Variants in CCDC187 observed in about 807,000 individuals in gnomAD.
CCDC187 encodes coiled-coil domain-containing protein 187.
Under a neutral mutation model 38.0 loss-of-function variants are expected in CCDC187, and 32 were observed. That is an observed-to-expected ratio of 0.84 (90% CI 0.64 to 1.13). The LOEUF (loss-of-function observed/expected upper bound fraction) is 1.13. Ranked by LOEUF, CCDC187 falls within the 50% of genes most tolerant of loss-of-function variation. CCDC187 has a pLI of 0.00. For missense variants in CCDC187, 707 were observed against 786.8 expected (o/e 0.90, Z 1.21); for synonymous variants, 333 against 347.9 (o/e 0.96, Z 0.48).
rs1431454337 is a variant in CCDC187 at position 136,250,716 on chromosome 9, G to A, written c.*2878C>T. On this transcript the variant is annotated 3_prime_UTR_variant, in exon 26 of 26. Coordinates refer to ENST00000638797, the MANE Select transcript of CCDC187 (RefSeq NM_001378188.1). ...TCAGGTGGGCTGGGCAGGAGCTGGT[G>A]CAAAATCAGATGCATGGCCCGAGCT... The A allele has an allele frequency of 4.4e-6, 2 of 456,154 alleles. No individual in the cohort carries two copies. Among genetic ancestry groups the A allele is most frequent in the Non-Finnish European group, 8.8e-6 (2 of 226,938 alleles). The allele number at this position is 456,154 out of a possible 1,614,324, so 28.3% of individuals were successfully genotyped here.
At chr9:136,301,586 CTTT>C in intron 2 of CCDC187, among the ~76,000 whole-genome samples, 1 of 126,554 alleles carries the variant, frequency 7.9e-6, no homozygotes. Flanking sequence ...GCATACGTTA[CTTT>C]TTTTTTTTTT....
chr9:136,295,138 C>T (rs971968002), intron 4 of CCDC187, among the ~76,000 whole-genome samples: 3 of 152,226 alleles, frequency 2.0e-5, no homozygotes, highest in Admixed American at 6.5e-5. Context: ...TTGAGGCCAG[C>T]GTGACCCAAC....
intron 10 of CCDC187, among the ~76,000 whole-genome samples, chr9:136,280,644 A>G (rs1831020850): frequency 6.6e-6 from 1 of 152,152 alleles, no homozygotes. Flanking sequence ...AGCACTCCCA[A>G]GCCCCACAGC....
Position 136,251,195 on chromosome 9 carries a change from A to G in CCDC187, c.*2399T>C, listed in dbSNP as rs1234267029. The G allele has an allele frequency of 8.5e-6, 3 of 353,766 alleles. No homozygotes were observed. Among genetic ancestry groups the G allele is most frequent in the Non-Finnish European group, 1.7e-5 (3 of 175,618 alleles). 21.9% of individuals were successfully genotyped at this position (353,766 alleles called of 1,614,324 possible). A position where few individuals can be genotyped will look rare whatever the true frequency, so the allele number is the denominator to read the frequency against. ...ACTCCGCATTCAAGAAGAGACCCTC[A>G]GATTCAAAAGGGTCCCAGAGAAATT... On this transcript the variant is annotated 3_prime_UTR_variant, in exon 26 of 26. Coordinates refer to ENST00000638797, the MANE Select transcript of CCDC187 (RefSeq NM_001378188.1).
At chr9:136,267,768 G>A (rs1830772764) in intron 15 of CCDC187, 1 of 917,046 alleles carries the variant, frequency 1.1e-6, no homozygotes, top group Non-Finnish European at 1.3e-6. Context: ...GATCCAGGAA[G>A]CCCAGGCCAC....
chr9:136,267,237 G>C (rs1830760124), intron 16 of CCDC187, 147 bp downstream of exon 16: 1 of 328,936 alleles, frequency 3.0e-6, no homozygotes, highest in African/African-American at 2.3e-5. Flanking sequence ...TTACTGTTTG[G>C]ACCAGTACCT....
intron 10 of CCDC187, among the ~76,000 whole-genome samples, chr9:136,280,728 C>G (rs1240405045): frequency 1.3e-5 from 2 of 152,178 alleles, no homozygotes; most frequent in South Asian, 4.1e-4. Flanking sequence ...TTCTCCTCCC[C>G]CTGGCACTGG....
At position 136,258,494 on chromosome 9, in the gene CCDC187, G is replaced by A. The variant is rs73670215; in HGVS notation, c.4366+438C>T. Among the ~76,000 whole-genome samples the A allele has an allele frequency of 1.7e-3, 253 of 152,164 alleles. No individual in the cohort carries two copies. Among genetic ancestry groups the A allele is most frequent in the African/African-American group, 5.7e-3 (238 of 41,502 alleles). On this transcript the variant is annotated intron_variant, in intron 22 of 25. Transcript: ENST00000638797. The surrounding 1 kb of genome is among the most constrained non-coding windows in gnomAD (Gnocchi z 4.3). ...CACCACCAGGGTTCCCTGACACTGT[G>A]AGTGCATCTGCTCCCGCCCCACCTG...
chr9:136,306,516 G>A (rs909582306), upstream of CCDC187, among the ~76,000 whole-genome samples: 209 of 152,268 alleles, frequency 1.4e-3, 2 homozygotes, highest in African/African-American at 4.8e-3. Context: ...AGTGCACCAC[G>A]CGCCGTGGCA....
chr9:136,293,453 T>TCACACACATGCTCACACACATGCTCA lies in CCDC187; in HGVS notation c.833-1159_833-1158insTGAGCATGTGTGTGAGCATGTGTGTG, dbSNP rs1246784095. Reference sequence around the variant, plus strand: ...CACATGCTCACACACTCACACATGCTCACACTCACACTCACATGCTCACAC... The same window carrying TCACACACATGCTCACACACATGCTCA: ...CACATGCTCACACACTCACACATGCTCACACACATGCTCACACACATGCTCACACACTCACACTCACATGCTCACAC... On this transcript the variant is annotated intron_variant, in intron 4 of 25. Coordinates refer to ENST00000638797, the MANE Select transcript of CCDC187 (RefSeq NM_001378188.1). 4.1e-3 allele frequency among the ~76,000 whole-genome samples: 424 copies of TCACACACATGCTCACACACATGCTCA among 103,022 alleles called. 12 individuals carry two copies. The highest frequency in any genetic ancestry group is 0.016 in the African/African-American group (403 of 25,810). The allele number at this position is 103,022 out of a possible 152,430, so 67.6% of individuals were successfully genotyped here.
chr9:136,297,948 C>A, intron 3 of CCDC187, 127 bp from the exon 4 acceptor site: 1 of 393,662 alleles, frequency 2.5e-6, no homozygotes, highest in South Asian at 1.4e-4. Context: ...CATTGCCAGT[C>A]CTGCTCCCTG....
At chr9:136,267,242 G>C (rs2131166948) in intron 16 of CCDC187, 142 bp downstream of exon 16, 1 of 373,332 alleles carries the variant, frequency 2.7e-6, no homozygotes, top group African/African-American at 2.2e-5. Flanking sequence ...GTTTGGACCA[G>C]TACCTCTTGT....
rs1017426277 is a variant in CCDC187 at position 136,291,477 on chromosome 9, C to T, written c.1136G>A (p.Arg379His). 143 of 398,590 alleles carry T rather than the reference C, an allele frequency of 3.6e-4. No homozygotes were observed. The highest frequency in any genetic ancestry group is 8.8e-5 in the Admixed American group (2 of 22,718). The allele number at this position is 398,590 out of a possible 1,614,324, so 24.7% of individuals were successfully genotyped here. Residue 379 changes from arginine to histidine, a missense_variant, in exon 6 of 26, where the codon CGC becomes CAC. Transcript: ENST00000638797. Reference sequence around the variant, plus strand: ...CTCCAGCCCAGCCTGGATTTGCTGGCGCAGGTCTTGTAGGATGGCCATGGC... The same window carrying T: ...CTCCAGCCCAGCCTGGATTTGCTGGTGCAGGTCTTGTAGGATGGCCATGGC... ...QTAMAILQDL[R>H]QQIQAGLELA...
intron 3 of CCDC187, among the ~76,000 whole-genome samples, chr9:136,298,328 G>A (rs1831585443): frequency 6.6e-6 from 1 of 152,198 alleles, no homozygotes; most frequent in African/African-American, 2.4e-5. Context: ...CCAGACCTGG[G>A]GGGGCCTTGG....
Position 136,254,395 on chromosome 9 carries a change from C to A in CCDC187, c.5433G>T (p.Gly1811=). 1.0e-6 allele frequency: 1 copy of A among 985,030 alleles called. No homozygotes were observed. The highest frequency in any genetic ancestry group is 1.2e-6 in the Non-Finnish European group (1 of 829,662). The allele number at this position is 985,030 out of a possible 1,614,324, so 61.0% of individuals were successfully genotyped here. Residue 1811 remains glycine, a synonymous_variant, in exon 26 of 26, where the codon GGG becomes GGT. Coordinates refer to ENST00000638797, the MANE Select transcript of CCDC187 (RefSeq NM_001378188.1). ...TCTCGCTGGTCCCAGAAGCTTCCCG[C>A]CCCTCCCCGGACCGTGGGGAGGGAG... ...VAPPSPRSGE[G]REASGTSESL... is the part of the protein sequence containing the mutation.
Position 136,258,586 on chromosome 9 carries a change from A to G in CCDC187, c.4366+346T>C, listed in dbSNP as rs1830643730. The G allele has an allele frequency of 3.6e-5, 23 of 635,030 alleles. No homozygotes were observed. Among genetic ancestry groups the G allele is most frequent in the Non-Finnish European group, 4.5e-5 (23 of 510,128 alleles). 39.3% of individuals were successfully genotyped at this position (635,030 alleles called of 1,614,324 possible). ...GTAAGGTTCAGAAAGAGAAAAATGTAATCGGTGCAGAAACCTCCGTCAGCT... is the reference window on the plus strand; with the variant it reads ...GTAAGGTTCAGAAAGAGAAAAATGTGATCGGTGCAGAAACCTCCGTCAGCT... On this transcript the variant is annotated intron_variant, in intron 22 of 25. Transcript: ENST00000638797. This position sits in a 1 kb window ranked among gnomAD's most constrained non-coding sequence, Gnocchi z 4.3.
intron 1 of CCDC187, 60 bp from the exon 2 acceptor site, chr9:136,303,353 C>G (rs1831736998): frequency 2.5e-6 from 1 of 394,152 alleles, no homozygotes; most frequent in Non-Finnish European, 4.5e-6. Context: ...CCGAGCAGAG[C>G]CGCTCAGACT....
intron 7 of CCDC187, 87 bp downstream of exon 7, chr9:136,289,872 C>G (rs930393829): frequency 6.1e-5 from 24 of 395,418 alleles, no homozygotes; most frequent in African/African-American, 1.0e-4. Flanking sequence ...GGCAATGTCA[C>G]GAGGGCCCCA....
rs1830582322 is a variant in CCDC187, at chr9:136,254,057, G to A, written c.5771C>T (p.Thr1924Ile). The A allele has an allele frequency of 1.0e-6, 1 of 984,698 alleles. No individual in the cohort carries two copies. The highest frequency in any genetic ancestry group is 1.2e-6 in the Non-Finnish European group (1 of 829,600). The allele number at this position is 984,698 out of a possible 1,614,324, so 61.0% of individuals were successfully genotyped here. A position where few individuals can be genotyped will look rare whatever the true frequency, so the allele number is the denominator to read the frequency against. Residue 1924 changes from threonine (T) to isoleucine (I), a missense_variant, in exon 26 of 26, where the codon ACC becomes ATC. Thr to Ile is a moderately conservative substitution (Grantham distance 89). Transcript: ENST00000638797. ...CATGAGGTACGGGAGTTTGCTCTTG[G>A]TGGATGGGCTCGGGTCAGCATCCCG... ...GTRDADPSPS[T>I]KSKLPYLMPE...
Sources: allele counts gnomAD v4.1 joint callset (sites outside exome capture counted in the v4.1 genomes callset), GRCh38; gene constraint gnomAD v4.1.1; non-coding constraint Gnocchi (gnomAD v3.1); transcripts MANE v1.5; gene names NCBI Gene and HGNC (gene_info 2026-07-23, HGNC 2026-07-21).